Variants in MICU1 observed in about 807,000 individuals in gnomAD.
MICU1 encodes the protein calcium uptake protein 1, mitochondrial.
MICU1 carries 45 observed loss-of-function variants against 56.8 expected under a neutral mutation model. The observed-to-expected ratio is 0.79, with a 90% CI of 0.62 to 1.02. The LOEUF is 1.02. MICU1 is among the 50% of genes least tolerant of loss of function. MICU1 has a pLI of 0.00. For missense variants in MICU1, 504 were observed against 587.1 expected, an observed-to-expected ratio of 0.86 and a Z score of 1.46; for synonymous variants, 186 against 195.1, an observed-to-expected ratio of 0.95 and a Z score of 0.39.
chr10:72,620,388 G>A (rs1038230410), intron 1 of MICU1, among the ~76,000 whole-genome samples: 2 of 151,978 alleles, frequency 1.3e-5, no homozygotes, highest in Admixed American at 6.6e-5. Flanking sequence ...GTTTCACCAC[G>A]TTGCCCAGGC....
chr10:72,504,563 T>C (rs1867182005), intron 6 of MICU1, among the ~76,000 whole-genome samples: 1 of 152,084 alleles, frequency 6.6e-6, no homozygotes, highest in Non-Finnish European at 1.5e-5. Context: ...AGACATCAAC[T>C]TTGGGGCGAA....
chr10:72,612,344 A>C (rs1841873706), intron 1 of MICU1, among the ~76,000 whole-genome samples: 1 of 152,130 alleles, frequency 6.6e-6, no homozygotes, highest in South Asian at 2.1e-4. Flanking sequence ...TCAGGAGCTG[A>C]CCAGACTTTA....
intron 10 of MICU1, among the ~76,000 whole-genome samples, chr10:72,379,271 A>G (rs1009001387): frequency 6.6e-6 from 1 of 152,242 alleles, no homozygotes; most frequent in Non-Finnish European, 1.5e-5. Context: ...TCAGAAGATT[A>G]ACCTCAAAAG....
At chr10:72,608,838 T>A (rs1454843978) in intron 1 of MICU1, among the ~76,000 whole-genome samples, 1 of 152,172 alleles carries the variant, frequency 6.6e-6, no homozygotes, top group East Asian at 1.9e-4. Flanking sequence ...CAAACCAAGT[T>A]CAAATAAGGC....
chr10:72,461,668 A>G (rs1030931440), intron 8 of MICU1, among the ~76,000 whole-genome samples: 3 of 152,158 alleles, frequency 2.0e-5, no homozygotes, highest in African/African-American at 7.2e-5. Context: ...AAAGACTCTG[A>G]GCCGGGCACA....
At chr10:72,512,064 G>A (rs1280690644) in intron 5 of MICU1, among the ~76,000 whole-genome samples, 1 of 137,574 alleles carries the variant, frequency 7.3e-6, no homozygotes, top group Non-Finnish European at 1.5e-5. Flanking sequence ...AAGTCCACAA[G>A]TTCATCCCTT....
intron 8 of MICU1, among the ~76,000 whole-genome samples, chr10:72,443,284 G>T (rs1333245687): frequency 2.0e-5 from 3 of 152,100 alleles, no homozygotes; most frequent in Non-Finnish European, 4.4e-5. Flanking sequence ...TTTGTCAGAT[G>T]AGTAGGTTGC....
chr10:72,454,577 G>A (rs968177491), intron 8 of MICU1, among the ~76,000 whole-genome samples: 1 of 152,016 alleles, frequency 6.6e-6, no homozygotes, highest in Non-Finnish European at 1.5e-5. Flanking sequence ...GAGGTCAGGA[G>A]TTTGAGACCA....
chr10:72,514,271 T>C (rs899864714), intron 5 of MICU1, among the ~76,000 whole-genome samples: 8 of 152,210 alleles, frequency 5.3e-5, no homozygotes, highest in Admixed American at 3.9e-4. Flanking sequence ...AACTATACTT[T>C]AGGCAGTTGA....
intron 11 of MICU1, among the ~76,000 whole-genome samples, chr10:72,372,867 C>T (rs936314707): frequency 6.8e-6 from 1 of 147,302 alleles, no homozygotes; most frequent in Admixed American, 6.9e-5. Context: ...GAACCAAGAT[C>T]GTGCTGTTGC....
At chr10:72,509,914 G>C (rs993463586) in intron 5 of MICU1, among the ~76,000 whole-genome samples, 1 of 151,846 alleles carries the variant, frequency 6.6e-6, no homozygotes, top group Non-Finnish European at 1.5e-5. Flanking sequence ...CATTTTTTAC[G>C]TTACCCAAGA....
At chr10:72,586,021 T>TTTTC (rs1841048182) in intron 1 of MICU1, among the ~76,000 whole-genome samples, 1 of 133,362 alleles carries the variant, frequency 7.5e-6, no homozygotes, top group Non-Finnish European at 1.6e-5. Flanking sequence ...TTCTTTTTTT[T>TTTTC]TTTTTTTTTT....
At chr10:72,586,903 A>G (rs891692419) in intron 1 of MICU1, among the ~76,000 whole-genome samples, 1 of 152,224 alleles carries the variant, frequency 6.6e-6, no homozygotes, top group East Asian at 1.9e-4. Flanking sequence ...TGCAAAAACC[A>G]TAAGGGGAAA....
chr10:72,449,691 A>T (rs1296924638), intron 8 of MICU1, among the ~76,000 whole-genome samples: 1 of 152,148 alleles, frequency 6.6e-6, no homozygotes, highest in East Asian at 1.9e-4. Flanking sequence ...AACATAAACG[A>T]TACTTCTCAA....
intron 3 of MICU1, among the ~76,000 whole-genome samples, chr10:72,552,436 T>C (rs532202137): frequency 9.2e-5 from 14 of 152,330 alleles, no homozygotes; most frequent in Admixed American, 2.6e-4. Context: ...AAATATCTTA[T>C]AAATAACTGG....
intron 8 of MICU1, among the ~76,000 whole-genome samples, chr10:72,425,720 C>G (rs2097979494): frequency 6.6e-6 from 1 of 152,116 alleles, no homozygotes; most frequent in African/African-American, 2.4e-5. Context: ...GGCAGGAACC[C>G]CCTTATTTCT....
At chr10:72,587,730 G>A (rs1841103445) in intron 1 of MICU1, among the ~76,000 whole-genome samples, 1 of 152,052 alleles carries the variant, frequency 6.6e-6, no homozygotes, top group African/African-American at 2.4e-5. Context: ...GTTGCAGTGA[G>A]CTGAGATCGC....
intron 1 of MICU1, among the ~76,000 whole-genome samples, chr10:72,611,950 T>C (rs1475810074): frequency 7.1e-6 from 1 of 140,964 alleles, no homozygotes; most frequent in Non-Finnish European, 1.5e-5. Flanking sequence ...TGACTGTGAA[T>C]AGCCACTGCA....
intron 8 of MICU1, among the ~76,000 whole-genome samples, chr10:72,438,433 A>T (rs182055982): frequency 9.2e-5 from 14 of 152,372 alleles, no homozygotes; most frequent in African/African-American, 3.1e-4. Context: ...CTAAATGCCC[A>T]CAAGAGAAAG....
Sources: gnomAD v4.1 joint callset for allele counts (sites outside exome capture counted in the v4.1 genomes callset) on GRCh38, gnomAD v4.1.1 for gene constraint, MANE v1.5 for transcripts, NCBI Gene and HGNC (gene_info 2026-07-23, HGNC 2026-07-21) for gene names.